The following RGS12 variants were observed in gnomAD, a reference collection of about 807,000 sequenced individuals.
RGS12 encodes the protein regulator of G protein signaling 12.
A neutral mutation model predicts 120.1 loss-of-function variants in RGS12; 66 were observed. The observed-to-expected ratio is 0.55, with a 90% CI of 0.45 to 0.67. The LOEUF is 0.67. Ranked by LOEUF, RGS12 falls within the 30% of genes least tolerant of loss-of-function variation. The pLI, the probability that RGS12 is intolerant of heterozygous loss-of-function variation, is 0.00. For synonymous variants in RGS12, 827 were observed against 804.7 expected (o/e 1.03, Z -0.47); for missense variants, 1,859 against 1,957.7 (o/e 0.95, Z 0.95).
chr4:3,407,726 T>C (rs1184621964), intron 4 of RGS12, among the ~76,000 whole-genome samples: 1 of 152,194 alleles, frequency 6.6e-6, no homozygotes, highest in African/African-American at 2.4e-5. Flanking sequence ...GTGATCTGAC[T>C]TGGAGTTATG....
chr4:3,394,227 A>G (rs562657697), intron 4 of RGS12, among the ~76,000 whole-genome samples: 2 of 151,862 alleles, frequency 1.3e-5, no homozygotes, highest in African/African-American at 2.4e-5. Context: ...CAGTGGTGCA[A>G]TCTTGACTCA....
chr4:3,405,185 C>A (rs78436243), intron 4 of RGS12, among the ~76,000 whole-genome samples: 95 of 152,296 alleles, frequency 6.2e-4, no homozygotes, highest in African/African-American at 2.1e-3. Flanking sequence ...AGGCTTGATG[C>A]GAAGCAAGAC....
At chr4:3,414,646 G>A (rs1047666472) in intron 5 of RGS12, 106 bp from the exon 6 acceptor site, 1 of 803,254 alleles carries the variant, frequency 1.2e-6, no homozygotes, top group African/African-American at 1.7e-5. Context: ...AGGCCCTCGG[G>A]CAGCTCACTG....
At chr4:3,381,890 C>G (rs1035302671) in intron 3 of RGS12, among the ~76,000 whole-genome samples, 5 of 152,190 alleles carry the variant, frequency 3.3e-5, no homozygotes, top group Non-Finnish European at 7.3e-5. Context: ...ATGAATCTTA[C>G]TGCTTTTGTT....
upstream of RGS12, among the ~76,000 whole-genome samples, chr4:3,288,676 A>G (rs2071666): frequency 0.65 from 98,655 of 152,104 alleles, 33,619 homozygotes; most frequent in African/African-American, 0.86. The surrounding 1 kb of genome is among the most constrained non-coding windows in gnomAD (Gnocchi z 5.2). Flanking sequence ...CACAGGCCCA[A>G]GGGAAGGCTA....
chr4:3,435,670 C>T (rs756247206), intron 17 of RGS12, among the ~76,000 whole-genome samples: 11 of 152,104 alleles, frequency 7.2e-5, no homozygotes, highest in Non-Finnish European at 1.3e-4. Context: ...CGGCCCTCCT[C>T]CACAGCCCCC....
intron 3 of RGS12, among the ~76,000 whole-genome samples, chr4:3,362,992 T>C (rs559199933): frequency 6.6e-6 from 1 of 150,482 alleles, no homozygotes; most frequent in South Asian, 2.1e-4. Context: ...TGTGTATATG[T>C]GTGAGAGTGT....
chr4:3,308,303 A>G (rs996622157), intron 1 of RGS12, among the ~76,000 whole-genome samples: 2 of 152,258 alleles, frequency 1.3e-5, no homozygotes, highest in African/African-American at 4.8e-5. Flanking sequence ...GGCGTTAGTA[A>G]GAGGCTGTGT....
At chr4:3,345,619 C>G (rs1353259212) in intron 3 of RGS12, among the ~76,000 whole-genome samples, 1 of 152,218 alleles carries the variant, frequency 6.6e-6, no homozygotes, top group Admixed American at 6.5e-5. Flanking sequence ...CAGGCGCAGT[C>G]TACCTGAGTC....
In RGS12 at chr4:3,366,499, G is replaced by T. The variant is rs1260411739; in HGVS notation, c.1999-19917G>T. Among the ~76,000 whole-genome samples the T allele has an allele frequency of 6.6e-6, 1 of 152,164 alleles. No homozygotes were observed. Among genetic ancestry groups the T allele is most frequent in the African/African-American group, 2.4e-5 (1 of 41,434 alleles). On this transcript the variant is annotated intron_variant, in intron 3 of 17. Transcript: ENST00000336727. This position sits in a 1 kb window ranked among gnomAD's most constrained non-coding sequence, Gnocchi z 4.0. ...CCTCCAGTTCCCGCCTCTCTGCCTC[G>T]CACGCCCTCCTAGCTGAGAGTGAGG...
chr4:3,314,001 T>TAATAATTTTTAATTATTAAAAAATTATAA (rs1405688996), intron 1 of RGS12: 9 of 151,632 alleles, frequency 5.9e-5, no homozygotes, highest in Admixed American at 2.0e-4. Context: ...TGATGATTTT[T>TAATAATTTTTAATTATTAAAAAATTATAA]AATAATTTTT....
intron 3 of RGS12, among the ~76,000 whole-genome samples, chr4:3,358,509 T>C (rs1482745611): frequency 6.6e-6 from 1 of 152,178 alleles, no homozygotes; most frequent in Non-Finnish European, 1.5e-5. Flanking sequence ...TTCCTTCTAT[T>C]TCTGGTTTAC....
intron 2 of RGS12, among the ~76,000 whole-genome samples, chr4:3,323,396 C>A (rs528694332): frequency 3.9e-5 from 6 of 152,232 alleles, no homozygotes; most frequent in African/African-American, 1.4e-4. Flanking sequence ...CCGCTCCGCG[C>A]GGGGAGCTGC....
chr4:3,361,530 G>A (rs1432392208), intron 3 of RGS12, among the ~76,000 whole-genome samples: 2 of 152,212 alleles, frequency 1.3e-5, no homozygotes, highest in African/African-American at 4.8e-5. Context: ...TGGGACCTGG[G>A]CGCATGAGCA....
At chr4:3,420,779 G>T in intron 10 of RGS12, 61 bp downstream of exon 10, 2 of 1,331,770 alleles carry the variant, frequency 1.5e-6, no homozygotes, top group Non-Finnish European at 2.1e-6. Context: ...GCTGACTGAT[G>T]ACACCTCTCT....
chr4:3,316,864 G>A lies in RGS12; in HGVS notation c.694G>A (p.Val232Met), dbSNP rs781197412. The A allele has an allele frequency of 8.7e-6, 14 of 1,614,160 alleles. No homozygotes were observed. The highest frequency in any genetic ancestry group is 6.7e-5 in the African/African-American group (5 of 75,070). Residue 232 changes from valine to methionine, a missense_variant, in exon 2 of 18, where the codon GTG becomes ATG. Physicochemically the swap from Val to Met is conservative, Grantham distance 21 (BLOSUM62 1). This residue lies in a region of RGS12 where 967 missense variants were observed against 994.2 expected (regional missense o/e 0.97). Coordinates refer to ENST00000336727, the MANE Select transcript of RGS12 (RefSeq NM_001394154.1). ...AAGTATTTTAAACGTGGCGATGATC[G>A]TGGGCTACTTAGGCTCCATTGAGCT... The part of the protein sequence containing the change: ...DASILNVAMI[V>M]GYLGSIELPS...
chr4:3,298,417 C>T (rs1489474125), intron 1 of RGS12, among the ~76,000 whole-genome samples: 1 of 152,108 alleles, frequency 6.6e-6, no homozygotes, highest in East Asian at 1.9e-4. Flanking sequence ...GTGGTGCAGT[C>T]ATAGCTCGCT....
intron 1 of RGS12, among the ~76,000 whole-genome samples, chr4:3,299,629 T>C (rs1353322907): frequency 3.3e-5 from 5 of 152,196 alleles, no homozygotes; most frequent in African/African-American, 4.8e-5. Flanking sequence ...TTTGCTTGTT[T>C]TTCTCATAGA....
chr4:3,435,836 C>T (rs1724756229), intron 17 of RGS12, among the ~76,000 whole-genome samples: 1 of 152,184 alleles, frequency 6.6e-6, no homozygotes, highest in African/African-American at 2.4e-5. Context: ...ACCTGGCCTA[C>T]CCCCATGTTC....
Sources: gnomAD v4.1 joint callset for allele counts (sites outside exome capture counted in the v4.1 genomes callset) on GRCh38, gnomAD v4.1.1 for gene constraint, gnomAD v4.1.1 regional missense constraint, Gnocchi (gnomAD v3.1) non-coding constraint, MANE v1.5 for transcripts, NCBI Gene and HGNC (gene_info 2026-07-23, HGNC 2026-07-21) for gene names.